UBN2: variants seen among roughly 807,000 people sequenced by gnomAD.
UBN2 encodes the protein ubinuclein-2.
A neutral mutation model predicts 120.2 loss-of-function variants in UBN2; 35 were observed. That is an observed-to-expected ratio of 0.29 (90% CI 0.22 to 0.39). The LOEUF (loss-of-function observed/expected upper bound fraction) is 0.39. Among genes scored for constraint, UBN2 ranks in the 10% least tolerant of loss-of-function variants. The probability of loss-of-function intolerance (pLI) is 1.00; values close to 1 mark genes in which losing one functional copy is unlikely to be tolerated. For missense variants in UBN2, 1,693 were observed against 1,663.2 expected (o/e 1.02, Z -0.31); for synonymous variants, 661 against 648.7 (o/e 1.02, Z -0.29).
Position 139,284,593 on chromosome 7 carries a change from T to C in UBN2, c.3669+19T>C. ...TGTGCAGGTATGTATGTTCTGTACG[T>C]CCATGTGATAAACTATAAGATTGTA... is the stretch of plus-strand genomic sequence containing the variant. On this transcript the variant is annotated intron_variant, in intron 15 of 17. Transcript: ENST00000473989. 1 of 1,572,924 alleles carries C rather than the reference T, an allele frequency of 6.4e-7. No individual in the cohort carries two copies. Among genetic ancestry groups the C allele is most frequent in the Non-Finnish European group, 8.6e-7 (1 of 1,157,850 alleles).
intron 15 of UBN2, among the ~76,000 whole-genome samples, chr7:139,289,746 C>T (rs1797896634): frequency 6.6e-6 from 1 of 151,980 alleles, no homozygotes; most frequent in Non-Finnish European, 1.5e-5. Flanking sequence ...TTCAATTACA[C>T]TCCTTCAGAA....
intron 3 of UBN2, among the ~76,000 whole-genome samples, chr7:139,254,593 C>G (rs1032735879): frequency 6.6e-6 from 1 of 152,196 alleles, no homozygotes; most frequent in Non-Finnish European, 1.5e-5. Flanking sequence ...GCTTACCCCA[C>G]AGAATTACTG....
Position 139,273,988 on chromosome 7 carries a change from T to G in UBN2, c.1887T>G (p.Asn629Lys). The G allele has an allele frequency of 6.2e-7, 1 of 1,613,868 alleles. No homozygotes were observed. The highest frequency in any genetic ancestry group is 1.1e-5 in the South Asian group (1 of 91,030). The change falls in exon 11 of 18, where the codon AAT becomes AAG. Residue 629 changes from asparagine to lysine, a missense_variant. Asn to Lys is a moderately conservative substitution (Grantham distance 94). Transcript: ENST00000473989. ...TGGGATGCTATGAGTTAGAACCAAA[T>G]AAAAGCCAGTCTGCTGAAGATTATC... ...IKLGCYELEP[N>K]KSQSAEDYLK...
Position 139,297,516 on chromosome 7 carries a change from C to T in UBN2, c.3995-271C>T, listed in dbSNP as rs531909018. Among the ~76,000 whole-genome samples, 141 of 152,142 alleles carry T rather than the reference C, an allele frequency of 9.3e-4. 1 individual carries two copies. In the South Asian group the frequency reaches 0.019, roughly 21 times the overall value. ...CAGCATTTGACACAATTGGCTGGGA[C>T]GTAAATGATAAATACTTGTTGAAAT... On this transcript the variant is annotated intron_variant, in intron 17 of 17. Transcript: ENST00000473989.
At chr7:139,285,189 T>G (rs765882390) in intron 15 of UBN2, among the ~76,000 whole-genome samples, 2 of 152,192 alleles carry the variant, frequency 1.3e-5, no homozygotes, top group East Asian at 3.9e-4. Context: ...CTCAATTAGC[T>G]GAGTGCCTCA....
intron 15 of UBN2, among the ~76,000 whole-genome samples, chr7:139,291,013 G>C (rs1327306779): frequency 6.6e-6 from 1 of 152,124 alleles, no homozygotes. Context: ...ACTGGAAAGA[G>C]CTAACATTCA....
chr7:139,251,903 T>G, intron 2 of UBN2, 53 bp from the exon 3 acceptor site: 1 of 1,553,266 alleles, frequency 6.4e-7, no homozygotes, highest in Non-Finnish European at 8.9e-7. Flanking sequence ...CTTTTTAAAC[T>G]TTATGGAAAC....
At position 139,249,737 on chromosome 7, in the gene UBN2, G is replaced by A. The variant is rs111613557; in HGVS notation, c.562-2219G>A. On this transcript the variant is annotated intron_variant, in intron 2 of 17. Coordinates refer to ENST00000473989, the MANE Select transcript of UBN2 (RefSeq NM_173569.4). Reference sequence around the variant, plus strand: ...CTTTTGTTTTTTGAGATAGGGTCTCGCTCTGTCACCCAGGTTGGAGTGCAG... The same window carrying A: ...CTTTTGTTTTTTGAGATAGGGTCTCACTCTGTCACCCAGGTTGGAGTGCAG... Among the ~76,000 whole-genome samples the A allele has an allele frequency of 6.2e-3, 940 of 151,964 alleles. 6 individuals carry two copies. Among genetic ancestry groups the A allele is most frequent in the African/African-American group, 0.021 (857 of 41,446 alleles).
chr7:139,251,891 G>A (rs1796633541), intron 2 of UBN2, 65 bp from the exon 3 acceptor site: 2 of 1,468,858 alleles, frequency 1.4e-6, no homozygotes, highest in Admixed American at 3.4e-5. Context: ...CTTCTAACAG[G>A]TCTTTTTAAA....
At position 139,272,330 on chromosome 7, in the gene UBN2, T is replaced by C; in HGVS notation, c.1605T>C (p.Arg535=). 1 of 1,610,036 alleles carries C rather than the reference T, an allele frequency of 6.2e-7. No individual in the cohort carries two copies. The highest frequency in any genetic ancestry group is 1.3e-5 in the African/African-American group (1 of 74,796). ...TATGTTTTTCTTTTTAGGATGATCG[T>C]TTAAGAGAACCTCTGCAAAAACTGA... ...KKLHLNVQDD[R]LREPLQKLKL... is the part of the protein sequence containing the mutation. Residue 535 remains arginine (R), a synonymous_variant, in exon 9 of 18, where the codon CGT becomes CGC. Transcript: ENST00000473989.
At chr7:139,288,242 C>G (rs1797846250) in intron 15 of UBN2, among the ~76,000 whole-genome samples, 1 of 152,020 alleles carries the variant, frequency 6.6e-6, no homozygotes, top group Non-Finnish European at 1.5e-5. Flanking sequence ...CAAGTTTTTT[C>G]AAAATGTGGT....
chr7:139,284,626 G>A (rs750559143), intron 15 of UBN2, 52 bp downstream of exon 15: 31 of 1,478,430 alleles, frequency 2.1e-5, no homozygotes, highest in African/African-American at 5.6e-5. Flanking sequence ...GTATAATGTC[G>A]TCTTTCTTGT....
intron 15 of UBN2, among the ~76,000 whole-genome samples, chr7:139,289,430 T>TTTTTTTTTTTTTTTTTTTTTTTTA (rs1797883087): frequency 6.6e-6 from 1 of 150,604 alleles, no homozygotes; most frequent in Admixed American, 6.6e-5. Context: ...TTTTTTTTTT[T>TTTTTTTTTTTTTTTTTTTTTTTTA]GAGACAGGGT....
At chr7:139,244,421 A>C (rs139349901) in intron 2 of UBN2, among the ~76,000 whole-genome samples, 2 of 152,164 alleles carry the variant, frequency 1.3e-5, no homozygotes, top group South Asian at 4.1e-4. Flanking sequence ...GATCCCAGCT[A>C]CTTGGGAGGC....
chr7:139,273,794 G>T, intron 10 of UBN2, 137 bp from the exon 11 acceptor site: 1 of 688,110 alleles, frequency 1.5e-6, no homozygotes, highest in Non-Finnish European at 2.2e-6. Context: ...CATATTGCAG[G>T]TTTGACTGTG....
At chr7:139,311,897 C>T (rs1309403625), downstream of UBN2, among the ~76,000 whole-genome samples, 5 of 152,326 alleles carry the variant, frequency 3.3e-5, no homozygotes, top group Middle Eastern at 3.4e-3. Flanking sequence ...AGTGATTCCA[C>T]GTCACCAAGA....
intron 13 of UBN2, among the ~76,000 whole-genome samples, chr7:139,280,519 T>C (rs1165065016): frequency 9.2e-5 from 14 of 152,222 alleles, no homozygotes; most frequent in Non-Finnish European, 2.9e-5. Flanking sequence ...GTTGTTGTTT[T>C]TAATAGATGA....
chr7:139,231,285 G>A lies in UBN2; in HGVS notation c.-200G>A, dbSNP rs907790349. Among the ~76,000 whole-genome samples, 31 of 152,360 alleles carry A rather than the reference G, an allele frequency of 2.0e-4. No individual in the cohort carries two copies. The highest frequency in any genetic ancestry group is 2.1e-4 in the Non-Finnish European group (14 of 68,032). On this transcript the variant is annotated 5_prime_UTR_variant, in exon 1 of 18. Coordinates refer to ENST00000473989, the MANE Select transcript of UBN2 (RefSeq NM_173569.4). ...CCAACATGGCGGCCGCGGCGACCCT[G>A]GCGATGGCGGTGAAGCCCATCAGAA...
chr7:139,298,069 G>A lies in UBN2; in HGVS notation c.*233G>A. On this transcript the variant is annotated 3_prime_UTR_variant, in exon 18 of 18. Transcript: ENST00000473989. ...TGACCTTTGGTCTCTTCTAAAGAAT[G>A]ACAGAGTTACCGTATTAACAGACTT... 6.3e-6 allele frequency: 3 copies of A among 478,746 alleles called. No homozygotes were observed. The highest frequency in any genetic ancestry group is 3.3e-5 in the East Asian group (1 of 30,354). The allele number at this position is 478,746 out of a possible 1,614,324, so 29.7% of individuals were successfully genotyped here.
Sources: gnomAD v4.1 joint callset for allele counts (sites outside exome capture counted in the v4.1 genomes callset) on GRCh38, gnomAD v4.1.1 for gene constraint, MANE v1.5 for transcripts, NCBI Gene and HGNC (gene_info 2026-07-23, HGNC 2026-07-21) for gene names.